FAM151B: variants seen among roughly 807,000 people sequenced by gnomAD.
The protein encoded by FAM151B is family with sequence similarity 151 member B, also known as protein FAM151B.
A neutral mutation model predicts 31.2 loss-of-function variants in FAM151B; 24 were observed. That is an observed-to-expected ratio of 0.77 (90% CI 0.56 to 1.08). The LOEUF (loss-of-function observed/expected upper bound fraction) is 1.08. Among genes scored for constraint, FAM151B ranks in the 50% least tolerant of loss-of-function variants. The pLI, the probability that FAM151B is intolerant of heterozygous loss-of-function variation, is 0.00. For synonymous variants in FAM151B, 105 were observed against 111.4 expected, an observed-to-expected ratio of 0.94 and a Z score of 0.36; for missense variants, 293 against 328.6, an observed-to-expected ratio of 0.89 and a Z score of 0.84.
intron 1 of FAM151B, among the ~76,000 whole-genome samples, chr5:80,490,106 C>A (rs189599810): frequency 6.9e-6 from 1 of 145,708 alleles, no homozygotes; most frequent in African/African-American, 2.5e-5. Context: ...TGAAAAGTTC[C>A]GTCCTGGCCG....
intron 2 of FAM151B, among the ~76,000 whole-genome samples, chr5:80,504,394 T>G (rs1298479921): frequency 6.6e-6 from 1 of 152,148 alleles, no homozygotes; most frequent in Non-Finnish European, 1.5e-5. Flanking sequence ...CCCTTTTTTT[T>G]CATGTAGGAG....
At chr5:80,528,376 A>G (rs1745066118) in intron 5 of FAM151B, among the ~76,000 whole-genome samples, 1 of 152,122 alleles carries the variant, frequency 6.6e-6, no homozygotes, top group Non-Finnish European at 1.5e-5. Flanking sequence ...CAATAATAAC[A>G]TTGAATGTAA....
rs1743864214 is a variant in FAM151B, at chr5:80,504,305, A to G, written c.151+2388A>G. ...TCTATTCCAAAATACATTTTGAATT[A>G]GTCCACATCTTTCTTTCCATCTTTC... On this transcript the variant is annotated intron_variant, in intron 2 of 5. Coordinates refer to ENST00000282226, the MANE Select transcript of FAM151B (RefSeq NM_205548.3). Among the ~76,000 whole-genome samples the G allele has an allele frequency of 1.3e-5, 2 of 152,230 alleles. 1 individual carries two copies. Among genetic ancestry groups the G allele is most frequent in the South Asian group, 4.1e-4 (2 of 4,826 alleles).
At chr5:80,501,464 T>TAAA in intron 1 of FAM151B, 2 of 128,902 alleles carry the variant, frequency 1.6e-5, no homozygotes, top group Middle Eastern at 2.4e-3. Context: ...GCTCTCAAAT[T>TAAA]GAAAAAAAAA....
At position 80,509,489 on chromosome 5, in the gene FAM151B, G is replaced by A. The variant is rs535503413; in HGVS notation, c.152-4115G>A. Among the ~76,000 whole-genome samples, 16 of 152,202 alleles carry A rather than the reference G, an allele frequency of 1.1e-4. No homozygotes were observed. In the South Asian group the frequency reaches 3.3e-3, roughly 32 times the overall value. ...TGGATTTCCCAGCCTCCAGAATGGTGAGCCAATAAATGTCTGTTTATTATA... is the reference window on the plus strand; with the variant it reads ...TGGATTTCCCAGCCTCCAGAATGGTAAGCCAATAAATGTCTGTTTATTATA... On this transcript the variant is annotated intron_variant, in intron 2 of 5. Coordinates refer to ENST00000282226, the MANE Select transcript of FAM151B (RefSeq NM_205548.3).
chr5:80,515,601 C>T (rs1744404265), intron 3 of FAM151B, among the ~76,000 whole-genome samples: 1 of 152,122 alleles, frequency 6.6e-6, no homozygotes, highest in Admixed American at 6.6e-5. Context: ...TTCTTAAGTG[C>T]TAGCAGCTAG....
At chr5:80,507,795 C>G (rs1744026781) in intron 2 of FAM151B, among the ~76,000 whole-genome samples, 1 of 152,212 alleles carries the variant, frequency 6.6e-6, no homozygotes, top group African/African-American at 2.4e-5. Flanking sequence ...GTCTCCAAGT[C>G]CACCTTCACA....
rs769024987 is a variant in FAM151B at position 80,513,783 on chromosome 5, C to T, written c.317+14C>T. On this transcript the variant is annotated intron_variant, in intron 3 of 5. Transcript: ENST00000282226. Reference sequence around the variant, plus strand: ...GGATTTCAAAAGGTATTTGTATAAACACGTTCAATTTTCTGGGAAAAAAGT... The same window carrying T: ...GGATTTCAAAAGGTATTTGTATAAATACGTTCAATTTTCTGGGAAAAAAGT... The T allele has an allele frequency of 1.9e-6, 3 of 1,589,488 alleles. No homozygotes were observed. Among genetic ancestry groups the T allele is most frequent in the East Asian group, 4.5e-5 (2 of 44,644 alleles).
intron 5 of FAM151B, among the ~76,000 whole-genome samples, chr5:80,536,460 G>A (rs2112674694): frequency 6.6e-6 from 1 of 152,174 alleles, no homozygotes; most frequent in African/African-American, 2.4e-5. Context: ...ACAGGTGTGA[G>A]CCACCGTGCC....
chr5:80,513,825 T>C, intron 3 of FAM151B, 56 bp downstream of exon 3: 1 of 1,493,900 alleles, frequency 6.7e-7, no homozygotes. Context: ...TGTGCCTGAC[T>C]ACCTATTTTT....
At chr5:80,490,383 T>A (rs540358277) in intron 1 of FAM151B, among the ~76,000 whole-genome samples, 5 of 152,300 alleles carry the variant, frequency 3.3e-5, no homozygotes, top group African/African-American at 1.2e-4. Flanking sequence ...CTTAAAAAAA[T>A]TAATAAATTC....
intron 2 of FAM151B, among the ~76,000 whole-genome samples, chr5:80,511,942 A>G (rs1421562522): frequency 6.6e-6 from 1 of 152,166 alleles, no homozygotes; most frequent in Non-Finnish European, 1.5e-5. Flanking sequence ...ATTGTTTTTT[A>G]TAATTCACTA....
chr5:80,526,662 CAA>C (rs1210486674), intron 5 of FAM151B, among the ~76,000 whole-genome samples: 1 of 151,778 alleles, frequency 6.6e-6, no homozygotes, highest in Non-Finnish European at 1.5e-5. Flanking sequence ...GTTTTCTAAG[CAA>C]AAAAAATTTA....
At chr5:80,516,076 G>A (rs761821101) in intron 3 of FAM151B, among the ~76,000 whole-genome samples, 89 of 152,302 alleles carry the variant, frequency 5.8e-4, no homozygotes, top group Middle Eastern at 6.8e-3. Flanking sequence ...TATAATCCCA[G>A]CACTTTGGTA....
At chr5:80,496,799 A>ATTTTTTTT in intron 1 of FAM151B, among the ~76,000 whole-genome samples, 1 of 57,738 alleles carries the variant, frequency 1.7e-5, no homozygotes, top group Non-Finnish European at 3.3e-5. Flanking sequence ...TTTTTGCTTA[A>ATTTTTTTT]TTTTTTTTTT....
chr5:80,495,236 C>T (rs990608661), intron 1 of FAM151B: 1 of 152,216 alleles, frequency 6.6e-6, no homozygotes, highest in African/African-American at 2.4e-5. Flanking sequence ...GAGATTGATG[C>T]TGTTTTCCTG....
At chr5:80,511,036 T>C (rs1288005310) in intron 2 of FAM151B, 2 of 152,094 alleles carry the variant, frequency 1.3e-5, no homozygotes, top group Admixed American at 6.5e-5. Context: ...CAAAACAGCA[T>C]AGAAACATGG....
intron 5 of FAM151B, chr5:80,522,431 G>A (rs1744762475): frequency 4.2e-6 from 1 of 238,666 alleles, no homozygotes; most frequent in Non-Finnish European, 8.0e-6. Context: ...AAAAAATTAT[G>A]AGTGGATAAA....
At chr5:80,517,149 G>C (rs1744486327) in intron 3 of FAM151B, among the ~76,000 whole-genome samples, 1 of 152,180 alleles carries the variant, frequency 6.6e-6, no homozygotes, top group African/African-American at 2.4e-5. Flanking sequence ...TTTTGAGAGA[G>C]AGAGAGAGAC....
Sources: allele counts gnomAD v4.1 joint callset (sites outside exome capture counted in the v4.1 genomes callset), GRCh38; gene constraint gnomAD v4.1.1; transcripts MANE v1.5; gene names NCBI Gene and HGNC (gene_info 2026-07-23, HGNC 2026-07-21).